The following EFCAB6 variants were observed in gnomAD, a reference collection of about 807,000 sequenced individuals.
EFCAB6 encodes EF-hand calcium-binding domain-containing protein 6.
Under a neutral mutation model 169.8 loss-of-function variants are expected in EFCAB6, and 156 were observed. The ratio of observed to expected loss-of-function variants is 0.92; its 90% CI spans 0.81 to 1.05. EFCAB6 has a LOEUF of 1.05. EFCAB6 is among the 50% of genes least tolerant of loss of function. EFCAB6 has a pLI of 0.00. For synonymous variants in EFCAB6, 698 were observed against 676.4 expected (o/e 1.03, Z -0.50); for missense variants, 1,800 against 1,829.1 (o/e 0.98, Z 0.29).
At chr22:43,562,417 C>T (rs898623357) in intron 26 of EFCAB6, among the ~76,000 whole-genome samples, 1 of 152,204 alleles carries the variant, frequency 6.6e-6, no homozygotes, top group African/African-American at 2.4e-5. Flanking sequence ...AAGCAAGTCA[C>T]AGCTTCAGAA....
intron 24 of EFCAB6, among the ~76,000 whole-genome samples, chr22:43,585,458 C>T (rs1364872698): frequency 6.6e-6 from 1 of 151,978 alleles, no homozygotes; most frequent in Admixed American, 6.6e-5. Context: ...GTGGATAGGA[C>T]AAGATATCCA....
At chr22:43,756,463 T>C (rs1289443785) in intron 5 of EFCAB6, among the ~76,000 whole-genome samples, 1 of 152,184 alleles carries the variant, frequency 6.6e-6, no homozygotes, top group Non-Finnish European at 1.5e-5. Context: ...GGTTTTTATT[T>C]TGCATTATCT....
intron 2 of EFCAB6, among the ~76,000 whole-genome samples, chr22:43,807,327 T>G (rs966941559): frequency 6.6e-6 from 1 of 152,208 alleles, no homozygotes; most frequent in African/African-American, 2.4e-5. Context: ...AAAGAGAATT[T>G]TGAGACATTA....
At chr22:43,676,651 T>C (rs939022252) in intron 13 of EFCAB6, among the ~76,000 whole-genome samples, 1 of 152,206 alleles carries the variant, frequency 6.6e-6, no homozygotes, top group Non-Finnish European at 1.5e-5. Flanking sequence ...AGTTATGTAC[T>C]ATGGCCTATT....
chr22:43,559,508 C>A (rs1195697434), intron 26 of EFCAB6, among the ~76,000 whole-genome samples: 1 of 152,202 alleles, frequency 6.6e-6, no homozygotes, highest in Non-Finnish European at 1.5e-5. Flanking sequence ...AATCCCATTA[C>A]TGGGTATATA....
intron 21 of EFCAB6, 44 bp from the exon 22 acceptor site, chr22:43,608,644 G>A (rs371256781): frequency 2.7e-5 from 43 of 1,570,094 alleles, no homozygotes; most frequent in African/African-American, 6.7e-5. Flanking sequence ...TGAAATGTGC[G>A]TATGACAGCA....
chr22:43,568,685 C>T lies in EFCAB6; in HGVS notation c.3420+7612G>A, dbSNP rs577600285. On this transcript the variant is annotated intron_variant, in intron 26 of 31. Coordinates refer to ENST00000262726, the MANE Select transcript of EFCAB6 (RefSeq NM_022785.4). ...GCAGTGTCCCCCGCACCATGCATTT[C>T]CATGGGGCCTGGCTGAGGTCCTGCC... Among the ~76,000 whole-genome samples, 7 of 152,246 alleles carry T rather than the reference C, an allele frequency of 4.6e-5. 1 individual carries two copies. The highest frequency in any genetic ancestry group is 1.7e-4 in the African/African-American group (7 of 41,550).
rs137764 is a variant in EFCAB6 at position 43,666,691 on chromosome 22, G to GTTTTTTT, written c.1983+406_1983+412dup. Among the ~76,000 whole-genome samples the GTTTTTTT allele has an allele frequency of 1.2e-3, 97 of 77,836 alleles. 4 individuals are homozygous for GTTTTTTT. Among genetic ancestry groups the GTTTTTTT allele is most frequent in the East Asian group, 2.2e-3 (5 of 2,262 alleles). 51.1% of individuals were successfully genotyped at this position (77,836 alleles called of 152,430 possible). A position where few individuals can be genotyped will look rare whatever the true frequency, so the allele number is the denominator to read the frequency against. ...GTTTCCCATATTTCACTGCCAGATT[G>GTTTTTTT]TTTTTTTTTTTTTTTTTTTTTTTTC... On this transcript the variant is annotated intron_variant, in intron 17 of 31. Coordinates refer to ENST00000262726, the MANE Select transcript of EFCAB6 (RefSeq NM_022785.4).
intron 30 of EFCAB6, chr22:43,533,375 G>A (rs900982143): frequency 6.6e-6 from 1 of 152,164 alleles, no homozygotes; most frequent in African/African-American, 2.4e-5. Context: ...GGTCACCTGA[G>A]CAGGCACTGC....
chr22:43,754,319 G>A (rs1295935818), intron 6 of EFCAB6, among the ~76,000 whole-genome samples: 1 of 152,196 alleles, frequency 6.6e-6, no homozygotes, highest in Non-Finnish European at 1.5e-5. Flanking sequence ...CTGAGACCAC[G>A]TGGTTGGTAA....
intron 10 of EFCAB6, among the ~76,000 whole-genome samples, chr22:43,689,985 G>C (rs1187850279): frequency 6.6e-6 from 1 of 152,192 alleles, no homozygotes; most frequent in Non-Finnish European, 1.5e-5. Flanking sequence ...TAAAGGGGCA[G>C]TGGGAAACAA....
chr22:43,732,514 C>A (rs1400219825), intron 7 of EFCAB6, among the ~76,000 whole-genome samples: 2 of 136,638 alleles, frequency 1.5e-5, no homozygotes, highest in Non-Finnish European at 3.0e-5. Flanking sequence ...GTTGCCCAGG[C>A]TAGAGTGTGG....
chr22:43,698,881 A>G (rs557054879), intron 10 of EFCAB6, among the ~76,000 whole-genome samples: 1 of 152,334 alleles, frequency 6.6e-6, no homozygotes, highest in South Asian at 2.1e-4. Flanking sequence ...TGTGAGTTTT[A>G]GCAGCTCAAT....
Position 43,759,712 on chromosome 22 carries a change from T to G in EFCAB6, c.441-3880A>C, listed in dbSNP as rs200551657. 3.9e-5 allele frequency: 6 copies of G among 152,368 alleles called. No individual in the cohort carries two copies. In the East Asian group the frequency reaches 1.2e-3, roughly 29 times the overall value. 9.4% of individuals were successfully genotyped at this position (152,368 alleles called of 1,614,324 possible). ...CTCAGAGACAGAGACTTTTAAAATA[T>G]GATTCCAGGTCATACCTTTTTAATC... On this transcript the variant is annotated intron_variant, in intron 5 of 31. Transcript: ENST00000262726.
At chr22:43,568,989 C>CCCCCT in intron 26 of EFCAB6, among the ~76,000 whole-genome samples, 1 of 152,306 alleles carries the variant, frequency 6.6e-6, no homozygotes, top group South Asian at 2.1e-4. Context: ...CCTGGTGTGG[C>CCCCCT]CCCCTCACAT....
At chr22:43,579,803 C>A (rs191693062) in intron 25 of EFCAB6, among the ~76,000 whole-genome samples, 72 of 152,030 alleles carry the variant, frequency 4.7e-4, no homozygotes, top group African/African-American at 1.7e-3. Context: ...TCATTCCACA[C>A]ACGCAGGCAT....
At chr22:43,635,049 T>G (rs2055278645) in intron 18 of EFCAB6, 53 bp downstream of exon 18, 1 of 1,450,416 alleles carries the variant, frequency 6.9e-7, no homozygotes, top group East Asian at 2.3e-5. Flanking sequence ...AGCAAAGACA[T>G]GCAGTGTCAC....
rs7291813 is a variant in EFCAB6 at position 43,787,565 on chromosome 22, T to C, written c.-7-5240A>G. 6.4e-3 allele frequency among the ~76,000 whole-genome samples: 978 copies of C among 152,264 alleles called. 12 individuals are homozygous for C. The highest frequency in any genetic ancestry group is 0.022 in the African/African-American group (914 of 41,554). On this transcript the variant is annotated intron_variant, in intron 2 of 31. Coordinates refer to ENST00000262726, the MANE Select transcript of EFCAB6 (RefSeq NM_022785.4). ...AATAAATTAAACAAAAAGTACAATA[T>C]TTGTGCACTAAAAACTACACAATAT...
In EFCAB6 at chr22:43,655,021, G is replaced by C. The variant is rs1315927153; in HGVS notation, c.1983+12083C>G. The stretch of plus-strand genomic sequence containing the variant: ...ACCTATAATCTTAGCACTTTGGGAG[G>C]CTGAGCCGAGCGGATCACCTGAGGT... On this transcript the variant is annotated intron_variant, in intron 17 of 31. Transcript: ENST00000262726. Among the ~76,000 whole-genome samples, 3 of 152,318 alleles carry C rather than the reference G, an allele frequency of 2.0e-5. No individual in the cohort carries two copies. In the South Asian group the frequency reaches 6.2e-4, roughly 32 times the overall value.
Sources: gnomAD v4.1 joint callset for allele counts (sites outside exome capture counted in the v4.1 genomes callset) on GRCh38, gnomAD v4.1.1 for gene constraint, MANE v1.5 for transcripts, NCBI Gene and HGNC (gene_info 2026-07-23, HGNC 2026-07-21) for gene names.